The following TAS2R1 variants were observed in gnomAD, a reference collection of about 807,000 sequenced individuals.
TAS2R1 encodes taste receptor type 2 member 1.
For synonymous variants in TAS2R1, 141 were observed against 134.2 expected (o/e 1.05, Z -0.35); for missense variants, 370 against 353.4 (o/e 1.05, Z -0.38).
chr5:9,820,892 G>A, the TAS2R1 span, among the ~76,000 whole-genome samples: 1 of 152,120 alleles, frequency 6.6e-6, no homozygotes, highest in Non-Finnish European at 1.5e-5. Context: ...GAACAGAGTC[G>A]ATTTTCCCAC....
the TAS2R1 span, among the ~76,000 whole-genome samples, chr5:9,727,733 T>C: frequency 2.0e-5 from 3 of 152,028 alleles, no homozygotes; most frequent in African/African-American, 7.2e-5. Context: ...CCCAGGTAGA[T>C]GGTAACGAAG....
the TAS2R1 span, among the ~76,000 whole-genome samples, chr5:9,801,926 C>G: frequency 1.3e-5 from 2 of 152,174 alleles, no homozygotes; most frequent in African/African-American, 2.4e-5. Context: ...CCTGCCCCAA[C>G]CTGGTGGTCT....
rs538834043 is a variant in TAS2R1 at position 9,690,613 on chromosome 5, G to A, written c.-242+21559C>T. 3.9e-5 allele frequency among the ~76,000 whole-genome samples: 6 copies of A among 151,988 alleles called. No homozygotes were observed. In the South Asian group the frequency reaches 1.0e-3, roughly 26 times the overall value. On this transcript the variant is annotated intron_variant, in intron 1 of 2. Coordinates refer to the TAS2R1 transcript ENST00000506620. ...CAAGTCAGCCTTAATTTCTGTCAGA[G>A]GGGGGGAAAAAAGTGTGACTTAATT...
At chr5:9,885,555 G>A in the TAS2R1 span, among the ~76,000 whole-genome samples, 2 of 152,190 alleles carry the variant, frequency 1.3e-5, no homozygotes, top group African/African-American at 4.8e-5. Flanking sequence ...AAGCTTGGAA[G>A]TTTTAACAAA....
At chr5:9,780,339 G>C in the TAS2R1 span, among the ~76,000 whole-genome samples, 6 of 152,154 alleles carry the variant, frequency 3.9e-5, no homozygotes, top group Non-Finnish European at 8.8e-5. Context: ...GCACTGAAAG[G>C]TTCCCTACTA....
the TAS2R1 span, among the ~76,000 whole-genome samples, chr5:9,824,273 C>A: frequency 6.6e-6 from 1 of 152,174 alleles, no homozygotes; most frequent in African/African-American, 2.4e-5. Flanking sequence ...CTCCAGTAGT[C>A]CCCAAAATGA....
chr5:9,664,100 T>A (rs1241085722), intron 1 of TAS2R1, among the ~76,000 whole-genome samples: 1 of 152,110 alleles, frequency 6.6e-6, no homozygotes, highest in Non-Finnish European at 1.5e-5. Context: ...GTTGTGGCAC[T>A]CCTAGGAAAC....
the TAS2R1 span, among the ~76,000 whole-genome samples, chr5:9,815,090 A>C: frequency 6.6e-6 from 1 of 152,240 alleles, no homozygotes; most frequent in African/African-American, 2.4e-5. Flanking sequence ...AAGGAAATGT[A>C]ATTAAGCTCC....
chr5:9,748,312 A>T, the TAS2R1 span, among the ~76,000 whole-genome samples: 8 of 152,192 alleles, frequency 5.3e-5, no homozygotes, highest in African/African-American at 1.9e-4. Flanking sequence ...GGCTCACTGC[A>T]GGTCTAAATT....
At chr5:9,796,261 G>T in the TAS2R1 span, among the ~76,000 whole-genome samples, 1 of 152,190 alleles carries the variant, frequency 6.6e-6, no homozygotes, top group Admixed American at 6.5e-5. Flanking sequence ...GTCCACAGTA[G>T]CCCTTCCCTG....
the TAS2R1 span, among the ~76,000 whole-genome samples, chr5:9,731,884 T>G: frequency 1.3e-5 from 2 of 152,238 alleles, no homozygotes; most frequent in Non-Finnish European, 2.9e-5. Context: ...GTTGTTGACA[T>G]GTAGCCAGCA....
chr5:9,631,494 A>C (rs2126474609), upstream of TAS2R1, among the ~76,000 whole-genome samples: 1 of 152,300 alleles, frequency 6.6e-6, no homozygotes, highest in Admixed American at 6.5e-5. Flanking sequence ...CTCCTGCCTC[A>C]GCCTCTTGAG....
the TAS2R1 span, among the ~76,000 whole-genome samples, chr5:9,780,048 C>T: frequency 6.6e-6 from 1 of 152,246 alleles, no homozygotes; most frequent in Admixed American, 6.5e-5. Flanking sequence ...TGTTCAAAGA[C>T]ATTGTCCAGC....
At chr5:9,731,652 C>A in the TAS2R1 span, among the ~76,000 whole-genome samples, 1 of 152,230 alleles carries the variant, frequency 6.6e-6, no homozygotes, top group African/African-American at 2.4e-5. Context: ...CAAATACAGC[C>A]AACTTCCCAT....
upstream of TAS2R1, among the ~76,000 whole-genome samples, chr5:9,714,980 TG>T (rs1302984265): frequency 2.0e-5 from 3 of 152,300 alleles, no homozygotes; most frequent in East Asian, 1.9e-4. Context: ...TGTCAGCCAA[TG>T]GGGAATTGAT....
chr5:9,875,549 C>T, the TAS2R1 span, among the ~76,000 whole-genome samples: 1 of 152,296 alleles, frequency 6.6e-6, no homozygotes, highest in South Asian at 2.1e-4. Context: ...TCACACAGTA[C>T]GAAATCCCAC....
At chr5:9,704,223 A>C (rs1016875513) in intron 1 of TAS2R1, among the ~76,000 whole-genome samples, 1 of 152,074 alleles carries the variant, frequency 6.6e-6, no homozygotes, top group East Asian at 1.9e-4. Context: ...AGAGTACCTT[A>C]ATTTTTGTTT....
chr5:9,700,510 A>G (rs1414720070), intron 1 of TAS2R1, among the ~76,000 whole-genome samples: 1 of 152,172 alleles, frequency 6.6e-6, no homozygotes, highest in Non-Finnish European at 1.5e-5. Context: ...TTGGCCAGGA[A>G]GCAGCAGAAA....
the TAS2R1 span, among the ~76,000 whole-genome samples, chr5:9,877,475 C>A: frequency 1.3e-5 from 2 of 152,124 alleles, no homozygotes; most frequent in South Asian, 4.1e-4. Flanking sequence ...CCCTTCAATT[C>A]TTTATACTTT....
Sources: allele counts gnomAD v4.1 joint callset (sites outside exome capture counted in the v4.1 genomes callset), GRCh38; gene constraint gnomAD v4.1.1; transcripts MANE v1.5; gene names NCBI Gene and HGNC (gene_info 2026-07-23, HGNC 2026-07-21).